NAALADL2: variants seen among roughly 807,000 people sequenced by gnomAD.
NAALADL2 encodes the protein N-acetylated alpha-linked acidic dipeptidase like 2.
In NAALADL2, 76 loss-of-function variants were observed where a neutral mutation model predicts 87.2. The ratio of observed to expected loss-of-function variants is 0.87; its 90% confidence interval spans 0.72 to 1.05. The LOEUF (loss-of-function observed/expected upper bound fraction) is 1.05. Among genes scored for constraint, NAALADL2 ranks in the 50% least tolerant of loss-of-function variants. The pLI, the probability that NAALADL2 is intolerant of heterozygous loss-of-function variation, is 0.00. For synonymous variants in NAALADL2, 354 were observed against 331.0 expected, an observed-to-expected ratio of 1.07 and a Z score of -0.75; for missense variants, 1,089 against 945.8, an observed-to-expected ratio of 1.15 and a Z score of -1.99.
chr3:174,584,131 A>G (rs961624486), intron 2 of NAALADL2, among the ~76,000 whole-genome samples: 6 of 152,156 alleles, frequency 3.9e-5, no homozygotes, highest in Non-Finnish European at 8.8e-5. Flanking sequence ...TCATAAGAGA[A>G]ACCTGAGAAA....
intron 1 of NAALADL2, among the ~76,000 whole-genome samples, chr3:174,514,440 C>T (rs1719798038): frequency 1.3e-5 from 2 of 152,034 alleles, no homozygotes; most frequent in South Asian, 4.1e-4. Context: ...ATTCCCAATT[C>T]AAGACATAAA....
At chr3:175,139,941 C>A in intron 2 of NAALADL2, among the ~76,000 whole-genome samples, 1 of 151,492 alleles carries the variant, frequency 6.6e-6, no homozygotes, top group East Asian at 1.9e-4. Context: ...GGTGGTAAGG[C>A]AGTAGGGTAA....
intron 3 of NAALADL2, among the ~76,000 whole-genome samples, chr3:175,239,722 G>T (rs1479426921): frequency 1.3e-5 from 2 of 152,186 alleles, no homozygotes; most frequent in Admixed American, 6.5e-5. Context: ...ACCCTATTCT[G>T]CAGAGAGCAT....
chr3:175,439,899 T>C (rs1719446688), intron 5 of NAALADL2, among the ~76,000 whole-genome samples: 1 of 152,010 alleles, frequency 6.6e-6, no homozygotes, highest in Non-Finnish European at 1.5e-5. Context: ...AATTAAGTTC[T>C]ATCTATTTAT....
chr3:174,929,422 T>C (rs1248477002), intron 1 of NAALADL2, among the ~76,000 whole-genome samples: 1 of 152,192 alleles, frequency 6.6e-6, no homozygotes, highest in East Asian at 1.9e-4. Flanking sequence ...CTACCTTCCT[T>C]ATTCTCCTCC....
At chr3:175,363,605 A>T (rs1765259654) in intron 5 of NAALADL2, among the ~76,000 whole-genome samples, 1 of 147,858 alleles carries the variant, frequency 6.8e-6, no homozygotes, top group East Asian at 2.0e-4. Flanking sequence ...AAACACACGC[A>T]TACACATAAA....
At chr3:175,722,565 A>G (rs952799049) in intron 11 of NAALADL2, among the ~76,000 whole-genome samples, 1 of 152,150 alleles carries the variant, frequency 6.6e-6, no homozygotes, top group African/African-American at 2.4e-5. Context: ...AGGTAAAAAT[A>G]AAATATGTAC....
chr3:174,868,199 A>G (rs1440522090), intron 1 of NAALADL2, among the ~76,000 whole-genome samples: 2 of 152,114 alleles, frequency 1.3e-5, no homozygotes, highest in Admixed American at 6.5e-5. Flanking sequence ...ACCTTTGGAT[A>G]AATTGCATTT....
At chr3:175,076,197 C>G (rs967340627) in intron 1 of NAALADL2, among the ~76,000 whole-genome samples, 1 of 152,130 alleles carries the variant, frequency 6.6e-6, no homozygotes, top group African/African-American at 2.4e-5. Context: ...CACTGCACTC[C>G]ATCCCAGGTG....
intron 1 of NAALADL2, among the ~76,000 whole-genome samples, chr3:174,512,131 T>G (rs1049108918): frequency 2.6e-5 from 4 of 152,174 alleles, no homozygotes; most frequent in Non-Finnish European, 4.4e-5. Context: ...CCTTAAGAAC[T>G]TGGTTTATCA....
At chr3:175,022,811 C>T (rs1751730678) in intron 1 of NAALADL2, among the ~76,000 whole-genome samples, 1 of 151,794 alleles carries the variant, frequency 6.6e-6, no homozygotes, top group South Asian at 2.1e-4. Context: ...ACATATTCCA[C>T]CTGCATCATC....
intron 9 of NAALADL2, among the ~76,000 whole-genome samples, chr3:175,479,714 A>C (rs1418216824): frequency 6.6e-6 from 1 of 151,788 alleles, no homozygotes; most frequent in East Asian, 1.9e-4. Context: ...TTTCACCTGC[A>C]AATTTATAGC....
intron 3 of NAALADL2, among the ~76,000 whole-genome samples, chr3:174,814,698 C>T (rs1256415904): frequency 2.0e-5 from 3 of 152,038 alleles, no homozygotes; most frequent in African/African-American, 7.2e-5. Context: ...TATTTAAGAT[C>T]AACTGCCATG....
intron 2 of NAALADL2, among the ~76,000 whole-genome samples, chr3:174,612,589 C>T (rs939616085): frequency 1.2e-4 from 18 of 152,104 alleles, no homozygotes; most frequent in African/African-American, 4.3e-4. Context: ...GTGATGCATT[C>T]TTCCATATTT....
At chr3:175,155,677 T>G (rs936936106) in intron 2 of NAALADL2, among the ~76,000 whole-genome samples, 1 of 152,196 alleles carries the variant, frequency 6.6e-6, no homozygotes, top group African/African-American at 2.4e-5. Context: ...ATAGTTTATA[T>G]TTCTGTAGAT....
rs188488104 is a variant in NAALADL2, at chr3:174,755,485, C to T, written c.-9+17739C>T. Among the ~76,000 whole-genome samples, 399 of 152,228 alleles carry T rather than the reference C, an allele frequency of 2.6e-3. 2 individuals are homozygous for T. The highest frequency in any genetic ancestry group is 3.9e-3 in the Non-Finnish European group (267 of 68,004). On this transcript the variant is annotated intron_variant, in intron 3 of 3. Transcript: ENST00000434257. ...TTTTTCCTTGATATTAACCTTGATACATTTCTGTGAAATAATAAATATACT... is the reference window on the plus strand; with the variant it reads ...TTTTTCCTTGATATTAACCTTGATATATTTCTGTGAAATAATAAATATACT...
intron 1 of NAALADL2, among the ~76,000 whole-genome samples, chr3:174,992,914 A>G (rs73881587): frequency 1.4e-3 from 207 of 152,258 alleles, no homozygotes; most frequent in African/African-American, 4.9e-3. Context: ...GAAGCAGTAA[A>G]TGAACCATTC....
chr3:174,764,116 ACTTT>A (rs1046751499), intron 3 of NAALADL2, among the ~76,000 whole-genome samples: 2 of 152,214 alleles, frequency 1.3e-5, no homozygotes, highest in Non-Finnish European at 1.5e-5. Flanking sequence ...TCCACTGGCC[ACTTT>A]CTTTCTGCTA....
At chr3:174,906,735 G>A (rs923935395) in intron 1 of NAALADL2, among the ~76,000 whole-genome samples, 1 of 152,014 alleles carries the variant, frequency 6.6e-6, no homozygotes, top group Non-Finnish European at 1.5e-5. Context: ...GAAGCTCCCA[G>A]CTATACCAAC....
Sources: allele counts gnomAD v4.1 joint callset (sites outside exome capture counted in the v4.1 genomes callset), GRCh38; gene constraint gnomAD v4.1.1; transcripts MANE v1.5; gene names NCBI Gene and HGNC (gene_info 2026-07-23, HGNC 2026-07-21).